The following PTPRD variants were observed in gnomAD, a reference collection of about 807,000 sequenced individuals.
PTPRD encodes protein tyrosine phosphatase receptor type D.
Under a neutral mutation model 214.5 loss-of-function variants are expected in PTPRD, and 34 were observed. The ratio of observed to expected loss-of-function variants is 0.16; its 90% confidence interval spans 0.12 to 0.21. The LOEUF is 0.21. PTPRD is among the 10% of genes least tolerant of loss of function. The pLI is 1.00. For synonymous variants in PTPRD, 1,128 were observed against 845.7 expected, an observed-to-expected ratio of 1.33 and a Z score of -5.79; for missense variants, 2,545 against 2,398.7, an observed-to-expected ratio of 1.06 and a Z score of -1.27.
At chr9:8,536,763 T>C (rs1438897477) in intron 14 of PTPRD, among the ~76,000 whole-genome samples, 2 of 152,002 alleles carry the variant, frequency 1.3e-5, no homozygotes, top group East Asian at 3.9e-4. Context: ...AGACCTAACA[T>C]ATCTACCCTA....
rs191044867 is a variant in PTPRD, at chr9:9,471,388, T to C, written c.-236-73906A>G. ...TCTCATGGAACAACCTACAAAGCGATCATATTTCATTGGTGACTTAATAAG... is the reference window on the plus strand; with the variant it reads ...TCTCATGGAACAACCTACAAAGCGACCATATTTCATTGGTGACTTAATAAG... On this transcript the variant is annotated intron_variant, in intron 8 of 45. Transcript: ENST00000381196. Among the ~76,000 whole-genome samples, 825 of 152,250 alleles carry C rather than the reference T, an allele frequency of 5.4e-3. 6 individuals carry two copies. Among genetic ancestry groups the C allele is most frequent in the Non-Finnish European group, 9.3e-3 (632 of 67,996 alleles).
intron 10 of PTPRD, among the ~76,000 whole-genome samples, chr9:9,031,170 A>C (rs923248224): frequency 6.6e-6 from 1 of 151,368 alleles, no homozygotes; most frequent in African/African-American, 2.4e-5. Context: ...TGGGTCTTTG[A>C]TGCAGAGCCA....
chr9:8,365,137 T>TA (rs2079494267), intron 39 of PTPRD, among the ~76,000 whole-genome samples: 1 of 149,504 alleles, frequency 6.7e-6, no homozygotes, highest in East Asian at 2.0e-4. Flanking sequence ...ACTCTGAAAT[T>TA]TAAAAAAAAA....
intron 11 of PTPRD, among the ~76,000 whole-genome samples, chr9:8,905,190 T>C (rs1389538461): frequency 6.6e-6 from 1 of 152,220 alleles, no homozygotes; most frequent in African/African-American, 2.4e-5. Flanking sequence ...CCAATGTTTA[T>C]GTTTCAGAAA....
At position 9,756,650 on chromosome 9, in the gene PTPRD, T is replaced by C. The variant is rs184223122; in HGVS notation, c.-326+10160A>G. 2.9e-3 allele frequency among the ~76,000 whole-genome samples: 449 copies of C among 152,252 alleles called. 1 individual carries two copies. Among genetic ancestry groups the C allele is most frequent in the Non-Finnish European group, 4.9e-3 (334 of 68,002 alleles). ...GTAATGAAAATGTTTTGGAACTGGATAGAGTTTGTGAATACATTGTGAATG... is the reference window on the plus strand; with the variant it reads ...GTAATGAAAATGTTTTGGAACTGGACAGAGTTTGTGAATACATTGTGAATG... On this transcript the variant is annotated intron_variant, in intron 6 of 45. Transcript: ENST00000381196.
rs1404877040 is a variant in PTPRD, at chr9:10,047,335, TGTGC to T, written c.-544-13549_-544-13546del. ...AACTGTGTGTGTGTGTGTGTGTGTG[TGTGC>T]GTGTGTGTGTGTGCTTGTGTGATAA... On this transcript the variant is annotated intron_variant, in intron 3 of 45. Coordinates refer to ENST00000381196, the MANE Select transcript of PTPRD (RefSeq NM_002839.4). Among the ~76,000 whole-genome samples the T allele has an allele frequency of 7.3e-3, 1,094 of 149,598 alleles. 7 individuals carry two copies. Among genetic ancestry groups the T allele is most frequent in the African/African-American group, 0.017 (694 of 40,532 alleles).
At chr9:8,327,080 G>A (rs1299906798) in intron 44 of PTPRD, among the ~76,000 whole-genome samples, 3 of 149,508 alleles carry the variant, frequency 2.0e-5, no homozygotes, top group East Asian at 4.0e-4. Context: ...GTTAGCTTTT[G>A]AATTTGTTTG....
intron 10 of PTPRD, among the ~76,000 whole-genome samples, chr9:9,022,592 GT>G (rs1264936515): frequency 6.6e-6 from 1 of 152,146 alleles, no homozygotes; most frequent in African/African-American, 2.4e-5. Context: ...GTTTCTGTAA[GT>G]ATGTTCTGTG....
chr9:8,373,306 C>A (rs921058789), intron 39 of PTPRD, among the ~76,000 whole-genome samples: 2 of 151,914 alleles, frequency 1.3e-5, no homozygotes, highest in Admixed American at 1.3e-4. Context: ...ACATGACCCT[C>A]CTAAATAAAG....
intron 10 of PTPRD, among the ~76,000 whole-genome samples, chr9:9,044,791 G>A (rs535688765): frequency 5.3e-5 from 8 of 152,024 alleles, no homozygotes; most frequent in African/African-American, 1.7e-4. Context: ...TTATTTTTCT[G>A]GAAATTAATT....
intron 11 of PTPRD, among the ~76,000 whole-genome samples, chr9:8,755,887 A>G (rs2093954093): frequency 6.6e-6 from 1 of 152,238 alleles, no homozygotes; most frequent in South Asian, 2.1e-4. Flanking sequence ...TTCAGTAACT[A>G]GCCTCTAATA....
rs139512753 is a variant in PTPRD, at chr9:9,587,166, T to C, written c.-286-12385A>G. On this transcript the variant is annotated intron_variant, in intron 7 of 45. Coordinates refer to ENST00000381196, the MANE Select transcript of PTPRD (RefSeq NM_002839.4). ...TGGAATCAACTTCAGGCTTCTACTATTTTAGTTGTATTACATCCAGCAAGT... is the reference window on the plus strand; with the variant it reads ...TGGAATCAACTTCAGGCTTCTACTACTTTAGTTGTATTACATCCAGCAAGT... 1.8e-3 allele frequency among the ~76,000 whole-genome samples: 270 copies of C among 152,090 alleles called. 1 individual carries two copies. Among genetic ancestry groups the C allele is most frequent in the African/African-American group, 6.3e-3 (261 of 41,540 alleles).
chr9:9,906,009 TGTAACTTGAAGTAC>T, intron 5 of PTPRD, among the ~76,000 whole-genome samples: 1 of 152,062 alleles, frequency 6.6e-6, no homozygotes, highest in South Asian at 2.1e-4. Flanking sequence ...TAGAAGTCTT[TGTAACTTGAAGTAC>T]AGCTGAGAAG....
At chr9:9,977,019 T>C in intron 4 of PTPRD, among the ~76,000 whole-genome samples, 1 of 152,156 alleles carries the variant, frequency 6.6e-6, no homozygotes, top group East Asian at 1.9e-4. Context: ...TTTAACCACA[T>C]GAAAATATAT....
chr9:8,416,909 G>C (rs909734074), intron 35 of PTPRD, among the ~76,000 whole-genome samples: 6 of 151,884 alleles, frequency 4.0e-5, no homozygotes, highest in Non-Finnish European at 8.8e-5. Flanking sequence ...AGTCACTCTT[G>C]GTGGTCCATA....
chr9:9,423,729 A>G (rs2079727796), intron 8 of PTPRD, among the ~76,000 whole-genome samples: 1 of 152,218 alleles, frequency 6.6e-6, no homozygotes, highest in Non-Finnish European at 1.5e-5. Flanking sequence ...AACTGCAGTA[A>G]CTATAATTAA....
chr9:8,810,826 T>A (rs1419517060), intron 11 of PTPRD, among the ~76,000 whole-genome samples: 2 of 152,150 alleles, frequency 1.3e-5, no homozygotes, highest in African/African-American at 4.8e-5. Flanking sequence ...CATGGGGTCT[T>A]CGTGAGGTCT....
chr9:8,395,051 C>T (rs1172322064), intron 36 of PTPRD, among the ~76,000 whole-genome samples: 1 of 152,064 alleles, frequency 6.6e-6, no homozygotes, highest in Non-Finnish European at 1.5e-5. Flanking sequence ...AGCGTCTTAC[C>T]CTGCTCCAAC....
chr9:10,457,871 T>C lies in PTPRD; in HGVS notation c.-599-116854A>G, dbSNP rs144652405. On this transcript the variant is annotated intron_variant, in intron 2 of 45. Transcript: ENST00000381196. ...GCCAGACTAACTAAACAAATAGAGA[T>C]AAGACTTATATATAAAATCAGAAAT... Among the ~76,000 whole-genome samples the C allele has an allele frequency of 4.7e-3, 708 of 152,134 alleles. 6 individuals carry two copies. The highest frequency in any genetic ancestry group is 0.016 in the African/African-American group (669 of 41,550).
Sources: allele counts gnomAD v4.1 joint callset (sites outside exome capture counted in the v4.1 genomes callset), GRCh38; gene constraint gnomAD v4.1.1; transcripts MANE v1.5; gene names NCBI Gene and HGNC (gene_info 2026-07-23, HGNC 2026-07-21).